PHF21A: variants seen among roughly 807,000 people sequenced by gnomAD.
The protein encoded by PHF21A is PHD finger protein 21A.
Under a neutral mutation model 82.5 loss-of-function variants are expected in PHF21A, and 11 were observed. That is an observed-to-expected ratio of 0.13 (90% CI 0.08 to 0.22). PHF21A has a LOEUF of 0.22. PHF21A is among the 10% of genes least tolerant of loss of function. PHF21A has a pLI of 1.00. For missense variants in PHF21A, 579 were observed against 837.8 expected (o/e 0.69, Z 3.81); for synonymous variants, 297 against 302.8 (o/e 0.98, Z 0.20).
intron 6 of PHF21A, among the ~76,000 whole-genome samples, chr11:46,069,061 C>A (rs2096627158): frequency 6.6e-6 from 1 of 152,192 alleles, no homozygotes. Flanking sequence ...AAAAGGAGAG[C>A]AGATAATACA....
chr11:46,111,204 C>T (rs550189344), intron 1 of PHF21A, among the ~76,000 whole-genome samples: 1 of 151,750 alleles, frequency 6.6e-6, no homozygotes, highest in Non-Finnish European at 1.5e-5. Context: ...CGTGGTGGCT[C>T]ACGCCTGTAA....
At chr11:45,989,619 A>G (rs1479080275) in intron 6 of PHF21A, among the ~76,000 whole-genome samples, 1 of 151,420 alleles carries the variant, frequency 6.6e-6, no homozygotes, top group African/African-American at 2.4e-5. Context: ...CAGTGAGCCA[A>G]TATCATGCCA....
chr11:46,003,355 G>A (rs1034807774), intron 6 of PHF21A, among the ~76,000 whole-genome samples: 7 of 151,324 alleles, frequency 4.6e-5, no homozygotes, highest in African/African-American at 1.7e-4. Context: ...GACTCTCTTC[G>A]GTGTTAATAC....
chr11:45,996,725 T>C (rs573795023), intron 6 of PHF21A, among the ~76,000 whole-genome samples: 3 of 152,320 alleles, frequency 2.0e-5, no homozygotes, highest in Admixed American at 2.0e-4. Flanking sequence ...TCCCAATTAT[T>C]TGGGAAACAA....
chr11:46,113,937 C>T (rs986276904), intron 1 of PHF21A, among the ~76,000 whole-genome samples: 17 of 151,754 alleles, frequency 1.1e-4, no homozygotes, highest in African/African-American at 4.1e-4. Context: ...AGCAAACATT[C>T]CCCATATTCT....
intron 6 of PHF21A, among the ~76,000 whole-genome samples, chr11:45,992,838 CT>C (rs967029826): frequency 1.3e-5 from 2 of 152,168 alleles, no homozygotes; most frequent in Non-Finnish European, 2.9e-5. Context: ...ATCAAAACAG[CT>C]TAAAGTACCT....
intron 6 of PHF21A, among the ~76,000 whole-genome samples, chr11:45,990,712 GT>G (rs35982936): frequency 4.7e-5 from 7 of 147,566 alleles, no homozygotes; most frequent in African/African-American, 1.5e-4. Flanking sequence ...CCCTTGATTT[GT>G]TTTTTTTTTT....
At chr11:45,977,767 C>T (rs537343768) in intron 7 of PHF21A, among the ~76,000 whole-genome samples, 7 of 151,830 alleles carry the variant, frequency 4.6e-5, no homozygotes, top group African/African-American at 1.7e-4. Context: ...ATCTGATTTA[C>T]AACAGGGATT....
chr11:45,958,886 C>T (rs2092903480), intron 10 of PHF21A, among the ~76,000 whole-genome samples: 1 of 152,116 alleles, frequency 6.6e-6, no homozygotes, highest in Non-Finnish European at 1.5e-5. Flanking sequence ...CCACTACACT[C>T]CAGTCTGGGT....
At chr11:46,053,531 T>TTA (rs1565752565) in intron 6 of PHF21A, among the ~76,000 whole-genome samples, 1 of 151,960 alleles carries the variant, frequency 6.6e-6, no homozygotes, top group Non-Finnish European at 1.5e-5. Context: ...TTTTTCTTCA[T>TTA]TATATATATA....
chr11:45,935,416 G>T, intron 18 of PHF21A: 1 of 706,458 alleles, frequency 1.4e-6, no homozygotes, highest in South Asian at 1.8e-5. Flanking sequence ...AAGCCAAGAG[G>T]ATGTTACAGA....
intron 6 of PHF21A, among the ~76,000 whole-genome samples, chr11:45,994,631 T>G (rs555105038): frequency 9.9e-5 from 15 of 152,094 alleles, no homozygotes; most frequent in Non-Finnish European, 1.9e-4. Context: ...TCACCAAGAG[T>G]GGTTATGTTT....
intron 10 of PHF21A, among the ~76,000 whole-genome samples, chr11:45,955,421 T>G (rs2092560438): frequency 6.6e-6 from 1 of 152,194 alleles, no homozygotes; most frequent in Non-Finnish European, 1.5e-5. Flanking sequence ...TTCATGTCTC[T>G]TTGAATAGGA....
At chr11:45,990,636 C>T (rs1404006480) in intron 6 of PHF21A, among the ~76,000 whole-genome samples, 3 of 151,722 alleles carry the variant, frequency 2.0e-5, no homozygotes, top group Non-Finnish European at 4.4e-5. Context: ...TCTCCAGTTT[C>T]TACATACAGC....
At chr11:46,068,352 T>C (rs1171626027) in intron 6 of PHF21A, among the ~76,000 whole-genome samples, 4 of 152,088 alleles carry the variant, frequency 2.6e-5, no homozygotes, top group Non-Finnish European at 4.4e-5. Context: ...AGGGAATAAA[T>C]GGGAATGGAT....
intron 1 of PHF21A, among the ~76,000 whole-genome samples, chr11:46,120,178 C>G (rs901131069): frequency 6.7e-6 from 1 of 150,036 alleles, no homozygotes; most frequent in African/African-American, 2.4e-5. Flanking sequence ...GCAGCGTCAG[C>G]AGCCGCAGCT....
At chr11:45,985,695 A>G (rs1445128643) in intron 6 of PHF21A, among the ~76,000 whole-genome samples, 1 of 152,230 alleles carries the variant, frequency 6.6e-6, no homozygotes, top group Non-Finnish European at 1.5e-5. Context: ...ACAAAGAATT[A>G]GACAAATAGT....
chr11:46,093,882 T>A (rs1387968334), intron 1 of PHF21A, among the ~76,000 whole-genome samples: 1 of 152,170 alleles, frequency 6.6e-6, no homozygotes, highest in Non-Finnish European at 1.5e-5. Flanking sequence ...ACTGTTTTCA[T>A]CCAAGTTGTT....
intron 4 of PHF21A, among the ~76,000 whole-genome samples, chr11:46,083,002 G>C (rs1012057762): frequency 1.2e-4 from 18 of 152,154 alleles, no homozygotes; most frequent in African/African-American, 4.3e-4. Context: ...TTCATTCTAT[G>C]ATGATGTCAG....
Sources: allele counts gnomAD v4.1 joint callset (sites outside exome capture counted in the v4.1 genomes callset), GRCh38; gene constraint gnomAD v4.1.1; transcripts MANE v1.5; gene names NCBI Gene and HGNC (gene_info 2026-07-23, HGNC 2026-07-21).